OR52A5: variants seen among roughly 807,000 people sequenced by gnomAD.
The protein encoded by OR52A5 is olfactory receptor family 52 subfamily A member 5.
In OR52A5, 16 loss-of-function variants were observed where a neutral mutation model predicts 18.2. The observed-to-expected ratio is 0.88, with a 90% CI of 0.60 to 1.34. The LOEUF (loss-of-function observed/expected upper bound fraction) is 1.34. Among genes scored for constraint, OR52A5 ranks in the 40% most tolerant of loss-of-function variants. The probability of loss-of-function intolerance (pLI) is 0.00; values close to 1 mark genes in which losing one functional copy is unlikely to be tolerated. For synonymous variants in OR52A5, 140 were observed against 137.2 expected (o/e 1.02, Z -0.14); for missense variants, 418 against 383.0 (o/e 1.09, Z -0.76).
intron 1 of OR52A5, among the ~76,000 whole-genome samples, chr11:5,136,733 T>G (rs905405742): frequency 2.0e-5 from 3 of 152,154 alleles, no homozygotes; most frequent in Admixed American, 2.0e-4. Flanking sequence ...AAAGACAAAA[T>G]AGTTTGTATA....
chr11:5,129,992 A>G lies in OR52A5; in HGVS notation c.*1700T>C, dbSNP rs1846320255. 6.6e-6 allele frequency: 1 copy of G among 152,142 alleles called. No homozygotes were observed. Among genetic ancestry groups the G allele is most frequent in the African/African-American group, 2.4e-5 (1 of 41,426 alleles). 9.4% of individuals were successfully genotyped at this position (152,142 alleles called of 1,614,324 possible). A position where few individuals can be genotyped will look rare whatever the true frequency, so the allele number is the denominator to read the frequency against. ...AATGCCAACCCACAGTCTAATTATG[A>G]CACAAATTTTTCATTTAATTTTTTT... On this transcript the variant is annotated 3_prime_UTR_variant, in exon 2 of 2. Coordinates refer to ENST00000307388, the MANE Select transcript of OR52A5 (RefSeq NM_001005160.3).
chr11:5,129,714 A>T lies in OR52A5; in HGVS notation c.*1978T>A, dbSNP rs1463536523. ...CCTTAAAAAAAGGTAATATGAACCC[A>T]GATCTTCAGCATGGAACAAATTTGA... On this transcript the variant is annotated 3_prime_UTR_variant, in exon 2 of 2. Coordinates refer to ENST00000307388, the MANE Select transcript of OR52A5 (RefSeq NM_001005160.3). The T allele has an allele frequency of 6.6e-6, 1 of 152,110 alleles. No individual in the cohort carries two copies. Among genetic ancestry groups the T allele is most frequent in the African/African-American group, 2.4e-5 (1 of 41,394 alleles). The allele number at this position is 152,110 out of a possible 1,614,324, so 9.4% of individuals were successfully genotyped here. A position where few individuals can be genotyped will look rare whatever the true frequency, so the allele number is the denominator to read the frequency against.
chr11:5,133,118 C>T (rs1031665437), intron 1 of OR52A5, among the ~76,000 whole-genome samples: 1 of 151,780 alleles, frequency 6.6e-6, no homozygotes, highest in South Asian at 2.1e-4. Context: ...GCCTGTAATC[C>T]CAGGACTTTG....
Position 5,132,060 on chromosome 11 carries a change from T to C in OR52A5, c.583A>G (p.Ile195Val), listed in dbSNP as rs1358497775. 1 of 1,614,236 alleles carries C rather than the reference T, an allele frequency of 6.2e-7. No homozygotes were observed. Residue 195 changes from isoleucine to valine, a missense_variant, in exon 2 of 2, where the codon ATC (isoleucine) becomes GTC (valine). Coordinates refer to ENST00000307388, the MANE Select transcript of OR52A5 (RefSeq NM_001005160.3). ...MAIVKLATED[I>V]RVNKIYGLFV... ...AGGCCATATATCTTGTTGACTCGGA[T>C]ATCTTCAGTAGCCAGCTTCACGATG...
Position 5,131,764 on chromosome 11 carries a change from A to G in OR52A5, c.879T>C (p.Ile293=). 1 of 1,614,082 alleles carries G rather than the reference A, an allele frequency of 6.2e-7. No homozygotes were observed. Among genetic ancestry groups the G allele is most frequent in the South Asian group, 1.1e-5 (1 of 91,062 alleles). ...TTTGCTTGGTCTTCACTCCATAGAC[A>G]ATAGGGTTGAGAAAAGGTGGGACTA... ...YLLVPPFLNP[I]VYGVKTKQIR... The change falls in exon 2 of 2, where the codon ATT becomes ATC. Residue 293 remains isoleucine, a synonymous_variant. Coordinates refer to ENST00000307388, the MANE Select transcript of OR52A5 (RefSeq NM_001005160.3).
intron 1 of OR52A5, among the ~76,000 whole-genome samples, chr11:5,133,015 A>AT: frequency 6.6e-6 from 1 of 152,204 alleles, no homozygotes; most frequent in East Asian, 1.9e-4. Context: ...TAAAAAAAAA[A>AT]TATTATTTAA....
Position 5,132,021 on chromosome 11 carries a change from C to A in OR52A5, c.622G>T (p.Ala208Ser), listed in dbSNP as rs766041690. The A allele has an allele frequency of 3.1e-6, 5 of 1,614,168 alleles. No individual in the cohort carries two copies. The highest frequency in any genetic ancestry group is 3.3e-5 in the Admixed American group (2 of 60,018). ...NKIYGLFVAF[A>S]ILGFDIIFIT... ...AATATTATGTCAAACCCTAGGATTG[C>A]AAAGGCAACAAATAGGCCATATATC... The change falls in exon 2 of 2, where the codon GCA becomes TCA. Residue 208 changes from alanine (A) to serine (S), a missense_variant. Physicochemically the swap from Ala to Ser is moderately conservative, Grantham distance 99. Coordinates refer to ENST00000307388, the MANE Select transcript of OR52A5 (RefSeq NM_001005160.3).
At chr11:5,135,500 T>G (rs918243563) in intron 1 of OR52A5, among the ~76,000 whole-genome samples, 1 of 152,140 alleles carries the variant, frequency 6.6e-6, no homozygotes, top group African/African-American at 2.4e-5. Context: ...CTCTAAAATT[T>G]AACCTGAAAG....
At position 5,132,178 on chromosome 11, in the gene OR52A5, G is replaced by A; in HGVS notation, c.465C>T (p.Ala155=). ...HIGLGVTLRA[A]ILIIPSLGLI... is the part of the protein sequence containing the mutation. ...GCCCTAAGGAAGGTATTATAAGAAT[G>A]GCAGCCCTGAGTGTCACCCCAAGTC... is the stretch of plus-strand genomic sequence containing the variant. The change falls in exon 2 of 2, where the codon GCC becomes GCT. Residue 155 remains alanine (A), a synonymous_variant. Coordinates refer to ENST00000307388, the MANE Select transcript of OR52A5 (RefSeq NM_001005160.3). 1 of 1,614,070 alleles carries A rather than the reference G, an allele frequency of 6.2e-7. No homozygotes were observed. Among genetic ancestry groups the A allele is most frequent in the Non-Finnish European group, 8.5e-7 (1 of 1,179,996 alleles).
Position 5,129,792 on chromosome 11 carries a change from A to C in OR52A5, c.*1900T>G, listed in dbSNP as rs1846317799. 6.6e-6 allele frequency: 1 copy of C among 152,188 alleles called. No homozygotes were observed. The highest frequency in any genetic ancestry group is 2.4e-5 in the African/African-American group (1 of 41,434). The allele number at this position is 152,188 out of a possible 1,614,324, so 9.4% of individuals were successfully genotyped here. On this transcript the variant is annotated 3_prime_UTR_variant, in exon 2 of 2. Transcript: ENST00000307388. Reference sequence around the variant, plus strand: ...AGAAGTCAAACAGATCTGTGTGCTGACTGGGACCTAGCTGAAATCAGCTGG... The same window carrying C: ...AGAAGTCAAACAGATCTGTGTGCTGCCTGGGACCTAGCTGAAATCAGCTGG...
intron 1 of OR52A5, among the ~76,000 whole-genome samples, chr11:5,137,262 A>G (rs1846400180): frequency 6.6e-6 from 1 of 152,226 alleles, no homozygotes. Flanking sequence ...CCTGGGCCAA[A>G]GTCAACACGC....
chr11:5,136,587 A>G (rs957886336), intron 1 of OR52A5, among the ~76,000 whole-genome samples: 1 of 152,212 alleles, frequency 6.6e-6, no homozygotes, highest in African/African-American at 2.4e-5. Context: ...AGAGGGGAAA[A>G]TAAGCCCTTA....
Position 5,131,985 on chromosome 11 carries a change from A to C in OR52A5, c.658T>G (p.Ser220Ala), listed in dbSNP as rs746221854. 3.1e-6 allele frequency: 5 copies of C among 1,614,116 alleles called. No homozygotes were observed. The African/African-American group carries it at 6.7e-5, about 22-fold the overall frequency. ...ACAGTGATAAAAATTTGGACATAGG[A>C]CAAGGTTATAAATATTATGTCAAAC... The part of the protein sequence containing the change: ...LGFDIIFITL[S>A]YVQIFITVFQ... Residue 220 changes from serine (S) to alanine (A), a missense_variant, in exon 2 of 2, where the codon TCC becomes GCC. Ser to Ala is a moderately conservative substitution (Grantham distance 99, BLOSUM62 1). Coordinates refer to ENST00000307388, the MANE Select transcript of OR52A5 (RefSeq NM_001005160.3).
Position 5,130,642 on chromosome 11 carries a change from A to C in OR52A5, c.*1050T>G, listed in dbSNP as rs933050861. ...ATTAAAAAAATTATGACTCAAAGTC[A>C]TTTCTACATTATTGACAAGATTTTT... On this transcript the variant is annotated 3_prime_UTR_variant, in exon 2 of 2. Transcript: ENST00000307388. The C allele has an allele frequency of 1.3e-5, 2 of 152,102 alleles. No individual in the cohort carries two copies. The highest frequency in any genetic ancestry group is 4.8e-5 in the African/African-American group (2 of 41,446). The allele number at this position is 152,102 out of a possible 1,614,324, so 9.4% of individuals were successfully genotyped here.
chr11:5,137,870 C>G (rs1421464629), intron 1 of OR52A5, among the ~76,000 whole-genome samples: 3 of 152,104 alleles, frequency 2.0e-5, no homozygotes, highest in African/African-American at 7.2e-5. Context: ...GAGAAATAAA[C>G]AAAAATGTGT....
At position 5,132,049 on chromosome 11, in the gene OR52A5, G is replaced by T; in HGVS notation, c.594C>A (p.Asn198Lys). The T allele has an allele frequency of 6.2e-7, 1 of 1,614,176 alleles. No homozygotes were observed. ...VKLATEDIRV[N>K]KIYGLFVAFA... ...AGGCAACAAATAGGCCATATATCTT[G>T]TTGACTCGGATATCTTCAGTAGCCA... The change falls in exon 2 of 2, where the codon AAC (asparagine) becomes AAA (lysine). Residue 198 changes from asparagine to lysine, a missense_variant. Asn to Lys is a moderately conservative substitution (Grantham distance 94). Transcript: ENST00000307388.
intron 1 of OR52A5, among the ~76,000 whole-genome samples, chr11:5,134,965 G>T (rs1389873374): frequency 6.6e-6 from 1 of 152,104 alleles, no homozygotes; most frequent in Non-Finnish European, 1.5e-5. Context: ...CGCCTCCCGG[G>T]TTCACGCCAT....
chr11:5,135,967 G>A (rs1259519238), intron 1 of OR52A5, among the ~76,000 whole-genome samples: 1 of 152,032 alleles, frequency 6.6e-6, no homozygotes, highest in Non-Finnish European at 1.5e-5. Context: ...ACTCTTTGTT[G>A]ACATATATAC....
chr11:5,136,164 C>T (rs979309074), intron 1 of OR52A5, among the ~76,000 whole-genome samples: 5 of 151,990 alleles, frequency 3.3e-5, no homozygotes, highest in South Asian at 4.2e-4. Context: ...CAAAAAGAGA[C>T]GATGAAGCAA....
Sources: allele counts gnomAD v4.1 joint callset (sites outside exome capture counted in the v4.1 genomes callset), GRCh38; gene constraint gnomAD v4.1.1; transcripts MANE v1.5; gene names NCBI Gene and HGNC (gene_info 2026-07-23, HGNC 2026-07-21).